CSMD2: variants seen among roughly 807,000 people sequenced by gnomAD.
CSMD2 encodes CUB and Sushi multiple domains 2.
Under a neutral mutation model 398.5 loss-of-function variants are expected in CSMD2, and 130 were observed. That is an observed-to-expected ratio of 0.33 (90% CI 0.28 to 0.38). The LOEUF is 0.38. Among genes scored for constraint, CSMD2 ranks in the 10% least tolerant of loss-of-function variants. The probability of loss-of-function intolerance (pLI) is 1.00; values close to 1 mark genes in which losing one functional copy is unlikely to be tolerated. For synonymous variants in CSMD2, 1,828 were observed against 1,908.5 expected, an observed-to-expected ratio of 0.96 and a Z score of 1.10; for missense variants, 3,829 against 4,764.9, an observed-to-expected ratio of 0.80 and a Z score of 5.78.
intron 3 of CSMD2, among the ~76,000 whole-genome samples, chr1:33,949,253 A>AT (rs1470586485): frequency 1.1e-4 from 16 of 152,214 alleles, no homozygotes; most frequent in African/African-American, 3.9e-4. Context: ...ATGTGATTAC[A>AT]TATAAGCCCC....
At position 33,519,773 on chromosome 1, in the gene CSMD2, C is replaced by T. The variant is rs139494192; in HGVS notation, c.10736+39G>A. ...GGGGCCCTGGAGGGAGAGAGGGAGG[C>T]CTGCCTGATGCCCGCCCTGCCTCCT... On this transcript the variant is annotated intron_variant, in intron 69 of 70. Transcript: ENST00000373381. This position sits in a 1 kb window ranked among gnomAD's most constrained non-coding sequence, Gnocchi z 5.6. 1.2e-5 allele frequency: 20 copies of T among 1,612,832 alleles called. No individual in the cohort carries two copies. Among genetic ancestry groups the T allele is most frequent in the African/African-American group, 1.2e-4 (9 of 74,916 alleles).
At chr1:33,744,484 A>G (rs987844279) in intron 13 of CSMD2, among the ~76,000 whole-genome samples, 1 of 152,124 alleles carries the variant, frequency 6.6e-6, no homozygotes, top group African/African-American at 2.4e-5. Context: ...ATTTCACCCT[A>G]AGGATCCACC....
chr1:33,957,945 G>GTGCACGCACGCA (rs1383207281), intron 3 of CSMD2, among the ~76,000 whole-genome samples: 143 of 152,172 alleles, frequency 9.4e-4, no homozygotes, highest in African/African-American at 3.4e-3. Context: ...GTGTGTGTGT[G>GTGCACGCACGCA]TGTGTGTGTG....
intron 15 of CSMD2, among the ~76,000 whole-genome samples, chr1:33,738,659 G>T (rs1460994391): frequency 1.3e-5 from 2 of 152,116 alleles, no homozygotes; most frequent in African/African-American, 4.8e-5. Flanking sequence ...CTGACCACAA[G>T]GATATAAAGT....
chr1:33,577,591 G>T, intron 48 of CSMD2, 107 bp from the exon 49 acceptor site: 1 of 925,398 alleles, frequency 1.1e-6, no homozygotes, highest in East Asian at 2.8e-5. Flanking sequence ...CCTTGTCTTT[G>T]CCACTGCCAC....
chr1:33,753,776 G>T (rs1012679441), intron 13 of CSMD2, among the ~76,000 whole-genome samples: 1 of 152,252 alleles, frequency 6.6e-6, no homozygotes, highest in African/African-American at 2.4e-5. Flanking sequence ...GCACCAATGT[G>T]CCCAGGATGT....
At chr1:33,739,399 A>C in intron 14 of CSMD2, 65 bp from the exon 15 acceptor site, 1 of 1,455,120 alleles carries the variant, frequency 6.9e-7, no homozygotes, top group African/African-American at 1.4e-5. Context: ...CCCTAAAGAA[A>C]ATTAGCTTCC....
At chr1:33,736,459 C>T (rs553832846) in intron 15 of CSMD2, among the ~76,000 whole-genome samples, 75 of 150,632 alleles carry the variant, frequency 5.0e-4, no homozygotes, top group Non-Finnish European at 8.3e-4. Context: ...CCAGCCTGGG[C>T]GACAGCAAGA....
chr1:34,144,778 C>T (rs1034121175), intron 1 of CSMD2, among the ~76,000 whole-genome samples: 5 of 152,230 alleles, frequency 3.3e-5, no homozygotes, highest in African/African-American at 1.2e-4. Flanking sequence ...ACAAGAACGG[C>T]ATTCCCTGCC....
In CSMD2 at chr1:33,602,433, G is replaced by A. The variant is rs1299263634; in HGVS notation, c.6646C>T (p.His2216Tyr). The A allele has an allele frequency of 6.2e-7, 1 of 1,614,032 alleles. No homozygotes were observed. Among genetic ancestry groups the A allele is most frequent in the Non-Finnish European group, 8.5e-7 (1 of 1,179,996 alleles). Residue 2216 changes from histidine (H) to tyrosine (Y), a missense_variant, in exon 43 of 71, where the codon CAT becomes TAT. His to Tyr is a moderately conservative substitution (Grantham distance 83). This residue lies in a region of CSMD2 where 723 missense variants were observed against 758.6 expected (regional missense o/e 0.95). Coordinates refer to ENST00000373381, the MANE Select transcript of CSMD2 (RefSeq NM_001281956.2). ...AGGCTGAGGTTGAGGCGGACGCCAT[G>A]GCCAATGGGCACGGTGATCAGCCAG... ...CVWLITVPIGHGVRLNLSLLQ... is the reference protein window; with the variant it reads ...CVWLITVPIGYGVRLNLSLLQ...
rs182577584 is a variant in CSMD2 at position 33,563,229 on chromosome 1, T to C, written c.8381-3756A>G. Among the ~76,000 whole-genome samples the C allele has an allele frequency of 6.6e-5, 10 of 152,230 alleles. 1 individual carries two copies. Among genetic ancestry groups the C allele is most frequent in the African/African-American group, 9.6e-5 (4 of 41,504 alleles). ...ATAGTAGATGCTAAGGGAATCTTTA[T>C]TGAATATGGTCTTAGAAGCTGAGGG... On this transcript the variant is annotated intron_variant, in intron 53 of 70. Coordinates refer to ENST00000373381, the MANE Select transcript of CSMD2 (RefSeq NM_001281956.2).
At chr1:33,625,400 T>G in intron 33 of CSMD2, 146 bp from the exon 34 acceptor site, 1 of 721,594 alleles carries the variant, frequency 1.4e-6, no homozygotes, top group African/African-American at 1.8e-5. Flanking sequence ...GCTCGAGGGC[T>G]AACTAGGAGG....
chr1:33,791,230 A>G (rs1654269825), intron 11 of CSMD2, among the ~76,000 whole-genome samples: 1 of 152,172 alleles, frequency 6.6e-6, no homozygotes, highest in Non-Finnish European at 1.5e-5. Context: ...ATCAAAAGAC[A>G]TGAACTTGAG....
intron 29 of CSMD2, among the ~76,000 whole-genome samples, chr1:33,642,707 T>C (rs1039541863): frequency 6.6e-6 from 1 of 152,214 alleles, no homozygotes; most frequent in African/African-American, 2.4e-5. Context: ...TTACTTAGGC[T>C]GTTAGTTGTT....
At position 33,542,866 on chromosome 1, in the gene CSMD2, C is replaced by T. The variant is rs555497792; in HGVS notation, c.9131G>A (p.Ser3044Asn). The change falls in exon 58 of 71, where the codon AGT becomes AAT. Residue 3044 changes from serine to asparagine, a missense_variant. By Grantham distance (46) the Ser-to-Asn change is conservative. Transcript: ENST00000373381. Reference protein sequence around the residue: ...VISCGNPGTPSNARVVFSDGL... With the variant: ...VISCGNPGTPNNARVVFSDGL... ...ATCACTGAACACAACTCGGGCATTA[C>T]TTGGAGTCCCAGGGTTCCCACAAGA... The T allele has an allele frequency of 3.7e-6, 6 of 1,614,204 alleles. No homozygotes were observed. The Admixed American group carries it at 1.0e-4, about 27-fold the overall frequency.
intron 24 of CSMD2, among the ~76,000 whole-genome samples, chr1:33,697,708 C>A (rs963385648): frequency 6.6e-6 from 1 of 152,262 alleles, no homozygotes; most frequent in African/African-American, 2.4e-5. Flanking sequence ...CTCATATCCT[C>A]CCAACATTTT....
At chr1:33,749,184 A>AC (rs989131964) in intron 13 of CSMD2, among the ~76,000 whole-genome samples, 1 of 142,632 alleles carries the variant, frequency 7.0e-6, no homozygotes, top group Non-Finnish European at 1.5e-5. Context: ...TGCAGGCTCC[A>AC]CCCCCCCAGG....
chr1:33,989,012 CCATATATATATA>C (rs1357496899), intron 3 of CSMD2, among the ~76,000 whole-genome samples: 27 of 49,052 alleles, frequency 5.5e-4, no homozygotes, highest in African/African-American at 1.8e-3. Flanking sequence ...CTCTCTCTCT[CCATATATATATA>C]TATATATATA....
At chr1:33,674,613 A>T (rs1644634552) in intron 25 of CSMD2, among the ~76,000 whole-genome samples, 1 of 152,218 alleles carries the variant, frequency 6.6e-6, no homozygotes, top group South Asian at 2.1e-4. Context: ...CAGACCTAAT[A>T]GACATCTTCA....
Sources: allele counts gnomAD v4.1 joint callset (sites outside exome capture counted in the v4.1 genomes callset), GRCh38; gene constraint gnomAD v4.1.1; regional missense constraint gnomAD v4.1.1; non-coding constraint Gnocchi (gnomAD v3.1); transcripts MANE v1.5; gene names NCBI Gene and HGNC (gene_info 2026-07-23, HGNC 2026-07-21).